Variants in NEMF observed in about 807,000 individuals in gnomAD.
NEMF encodes nuclear export mediator factor, also known as ribosome quality control complex subunit NEMF.
NEMF carries 89 observed loss-of-function variants against 162.2 expected under a neutral mutation model. That is an observed-to-expected ratio of 0.55 (90% CI 0.46 to 0.65). The LOEUF (loss-of-function observed/expected upper bound fraction) is 0.65. Ranked by LOEUF, NEMF falls within the 30% of genes least tolerant of loss-of-function variation. The pLI is 0.00. For synonymous variants in NEMF, 421 were observed against 404.5 expected (o/e 1.04, Z -0.49); for missense variants, 1,133 against 1,261.9 (o/e 0.90, Z 1.55).
chr14:49,788,612 C>T (rs1890294726), intron 28 of NEMF, among the ~76,000 whole-genome samples: 1 of 143,018 alleles, frequency 7.0e-6, no homozygotes, highest in Admixed American at 7.4e-5. Context: ...GGCTGGAGTG[C>T]AGTGGCACAA....
Position 49,846,137 on chromosome 14 carries a change from T to C in NEMF, c.357+3A>G, listed in dbSNP as rs1893489457. The C allele has an allele frequency of 1.2e-6, 2 of 1,608,316 alleles. No homozygotes were observed. The highest frequency in any genetic ancestry group is 2.7e-5 in the African/African-American group (2 of 74,576). On this transcript the variant is annotated splice_donor_region_variant and intron_variant, in intron 4 of 32. Transcript: ENST00000298310. ...TTCACCATATCCCACAAATTTAACT[T>C]ACCCTATCATAGAGCTCAATGATTA...
intron 25 of NEMF, among the ~76,000 whole-genome samples, chr14:49,796,941 A>G (rs1436899504): frequency 6.6e-6 from 1 of 152,158 alleles, no homozygotes; most frequent in Non-Finnish European, 1.5e-5. Context: ...AACTGCTAAC[A>G]TATCTTTCAA....
At chr14:49,847,098 C>A (rs1359659353) in intron 3 of NEMF, among the ~76,000 whole-genome samples, 1 of 151,738 alleles carries the variant, frequency 6.6e-6, no homozygotes, top group Non-Finnish European at 1.5e-5. Context: ...GTTGGTCAGG[C>A]TGGTCTCGAA....
chr14:49,830,152 A>AT (rs1187089008), intron 11 of NEMF, among the ~76,000 whole-genome samples: 1 of 152,218 alleles, frequency 6.6e-6, no homozygotes, highest in Non-Finnish European at 1.5e-5. Context: ...TAGATGAAAT[A>AT]TTTTTTAAAA....
At chr14:49,799,597 G>A in intron 24 of NEMF, 39 bp downstream of exon 24, 1 of 1,595,822 alleles carries the variant, frequency 6.3e-7, no homozygotes, top group Middle Eastern at 1.7e-4. Flanking sequence ...ATTATTCACT[G>A]AGAATCGGAT....
chr14:49,789,906 G>C (rs1029378845), intron 26 of NEMF, among the ~76,000 whole-genome samples: 4 of 152,178 alleles, frequency 2.6e-5, no homozygotes, highest in African/African-American at 9.6e-5. Context: ...CATTTGGTTT[G>C]GGTCAGGGTA....
Position 49,845,241 on chromosome 14 carries a change from C to T in NEMF, c.357+899G>A, listed in dbSNP as rs775035436. ...CCGAGTAGCTGGGATTATAGGTGCC[C>T]GCCACCACGCCCAGCTAATTTTTGT... On this transcript the variant is annotated intron_variant, in intron 4 of 32. Transcript: ENST00000298310. Among the ~76,000 whole-genome samples the T allele has an allele frequency of 3.9e-5, 6 of 151,996 alleles. No homozygotes were observed. The South Asian group carries it at 6.2e-4, about 16-fold the overall frequency.
rs1594818089 is a variant in NEMF, at chr14:49,851,448, C to T, written c.231+115G>A. ...TCAACCCATTATCTGTCAACCACTC[C>T]CTTTACCTTCATTTTATCTGCACTT... On this transcript the variant is annotated intron_variant, in intron 3 of 32. Coordinates refer to ENST00000298310, the MANE Select transcript of NEMF (RefSeq NM_004713.6). The T allele has an allele frequency of 5.8e-6, 4 of 694,796 alleles. No individual in the cohort carries two copies. The East Asian group carries it at 1.1e-4, about 18-fold the overall frequency. The allele number at this position is 694,796 out of a possible 1,614,324, so 43.0% of individuals were successfully genotyped here.
Position 49,832,277 on chromosome 14 carries a change from C to A in NEMF, c.736G>T (p.Gly246Ter). Residue 246 changes from glycine to a stop codon, truncating the protein, a stop_gained and splice_region_variant, in exon 9 of 33, where the codon GGA becomes TGA. Coordinates refer to ENST00000298310, the MANE Select transcript of NEMF (RefSeq NM_004713.6). LOFTEE classifies it high-confidence loss of function. ...MKTTSNFSGK[G>*]YIIQKREIKP... ...ATTTCTCTTTTCTGAATGATATATC[C>A]CTACAAAAATGCAACATTAAAATCA... 6.4e-7 allele frequency: 1 copy of A among 1,569,426 alleles called. No individual in the cohort carries two copies. Among genetic ancestry groups the A allele is most frequent in the Non-Finnish European group, 8.7e-7 (1 of 1,148,180 alleles).
At chr14:49,819,127 A>AG (rs1489939420) in intron 16 of NEMF, among the ~76,000 whole-genome samples, 1 of 152,146 alleles carries the variant, frequency 6.6e-6, no homozygotes, top group East Asian at 1.9e-4. Context: ...AAAAAAGAAA[A>AG]GGAGGGTGCG....
intron 4 of NEMF, among the ~76,000 whole-genome samples, chr14:49,845,466 A>G (rs1457563827): frequency 6.6e-6 from 1 of 152,188 alleles, no homozygotes; most frequent in Non-Finnish European, 1.5e-5. Context: ...TTCAATAATA[A>G]ATTAACCTTT....
chr14:49,851,479 G>T, intron 3 of NEMF, 84 bp downstream of exon 3: 1 of 886,852 alleles, frequency 1.1e-6, no homozygotes, highest in Non-Finnish European at 1.9e-6. Context: ...CACTTTATTC[G>T]TAACAGTGAA....
chr14:49,844,262 C>T (rs1893359686), intron 4 of NEMF, among the ~76,000 whole-genome samples: 1 of 152,086 alleles, frequency 6.6e-6, no homozygotes, highest in South Asian at 2.1e-4. Flanking sequence ...TAGATTCTCG[C>T]AAGAAGCATG....
intron 4 of NEMF, among the ~76,000 whole-genome samples, chr14:49,841,696 T>A (rs6572622): frequency 6.6e-6 from 1 of 152,144 alleles, no homozygotes; most frequent in Non-Finnish European, 1.5e-5. Flanking sequence ...AATAGTTACA[T>A]GGCAAGAGCA....
chr14:49,842,156 C>G (rs1239205080), intron 4 of NEMF, among the ~76,000 whole-genome samples: 3 of 150,424 alleles, frequency 2.0e-5, no homozygotes, highest in Non-Finnish European at 4.4e-5. Flanking sequence ...AAAAAAAACC[C>G]CAAACAGCCT....
chr14:49,836,297 T>C (rs1480551431), intron 6 of NEMF, among the ~76,000 whole-genome samples: 1 of 151,540 alleles, frequency 6.6e-6, no homozygotes, highest in Non-Finnish European at 1.5e-5. Flanking sequence ...AATAATGTAA[T>C]CCTTATCAAA....
intron 32 of NEMF, 29 bp downstream of exon 32, chr14:49,784,896 C>T: frequency 1.3e-6 from 2 of 1,578,694 alleles, no homozygotes; most frequent in Non-Finnish European, 1.7e-6. Context: ...TGTCAGTCTC[C>T]ACATTCCTTT....
At chr14:49,795,683 C>A in intron 26 of NEMF, 108 bp downstream of exon 26, 1 of 1,008,212 alleles carries the variant, frequency 9.9e-7, no homozygotes, top group Non-Finnish European at 1.5e-6. Flanking sequence ...AAGGAAATCA[C>A]ACAGGATTAT....
chr14:49,841,018 G>GA, intron 4 of NEMF, 152 bp from the exon 5 acceptor site: 1 of 617,516 alleles, frequency 1.6e-6, no homozygotes, highest in Non-Finnish European at 2.7e-6. Context: ...CCAACATGGT[G>GA]AAATTCCATC....
Sources: allele counts gnomAD v4.1 joint callset (sites outside exome capture counted in the v4.1 genomes callset), GRCh38; gene constraint gnomAD v4.1.1; transcripts MANE v1.5; gene names NCBI Gene and HGNC (gene_info 2026-07-23, HGNC 2026-07-21).